Variants in ARHGEF1 observed in about 807,000 individuals in gnomAD.
The protein encoded by ARHGEF1 is 115 kDa guanine nucleotide exchange factor.
ARHGEF1 carries 40 observed loss-of-function variants against 119.7 expected under a neutral mutation model. That is an observed-to-expected ratio of 0.33 (90% CI 0.26 to 0.44). The LOEUF (loss-of-function observed/expected upper bound fraction) is 0.44. ARHGEF1 is among the 20% of genes least tolerant of loss of function. The probability of loss-of-function intolerance (pLI) is 1.00; values close to 1 mark genes in which losing one functional copy is unlikely to be tolerated. For synonymous variants in ARHGEF1, 494 were observed against 521.0 expected (o/e 0.95, Z 0.71); for missense variants, 976 against 1,268.3 (o/e 0.77, Z 3.50).
intron 13 of ARHGEF1, chr19:41,897,443 A>G (rs1160114722): frequency 1.5e-6 from 1 of 670,824 alleles, no homozygotes; most frequent in Non-Finnish European, 2.0e-6. Context: ...GTGGGTGGGG[A>G]CATCACCCTC....
At chr19:41,897,376 C>T in intron 13 of ARHGEF1, 1 of 1,188,566 alleles carries the variant, frequency 8.4e-7, no homozygotes, top group Non-Finnish European at 1.1e-6. Flanking sequence ...TCCCCCATTT[C>T]TCCCAGCCCC....
At position 41,904,493 on chromosome 19, in the gene ARHGEF1, CAA is replaced by C; in HGVS notation, c.2161+112_2161+113del. 2.3e-6 allele frequency: 3 copies of C among 1,326,620 alleles called. No individual in the cohort carries two copies. The highest frequency in any genetic ancestry group is 3.0e-6 in the Non-Finnish European group (3 of 995,534). 82.2% of individuals were successfully genotyped at this position (1,326,620 alleles called of 1,614,324 possible). A position where few individuals can be genotyped will look rare whatever the true frequency, so the allele number is the denominator to read the frequency against. ...GAGAGCCAGGGAGCCAGCATTCTAG[CAA>C]AGAGGTTGAGAAGTAGGTGGAGGTG... On this transcript the variant is annotated intron_variant, in intron 22 of 28. Transcript: ENST00000354532. This position sits in a 1 kb window ranked among gnomAD's most constrained non-coding sequence, Gnocchi z 8.4.
Position 41,888,866 on chromosome 19 carries a change from G to A in ARHGEF1, c.225+1G>A. ...CCTGCAGTTTGAGCCAGGACCCCTGGTGAGGGCAGGGCTGGGTGGGCACAG... is the reference window on the plus strand; with the variant it reads ...CCTGCAGTTTGAGCCAGGACCCCTGATGAGGGCAGGGCTGGGTGGGCACAG... On this transcript the variant is annotated splice_donor_variant, in intron 4 of 28. Coordinates refer to ENST00000354532, the MANE Select transcript of ARHGEF1 (RefSeq NM_004706.4). LOFTEE classifies it high-confidence loss of function. The surrounding 1 kb of genome is among the most constrained non-coding windows in gnomAD (Gnocchi z 5.1). 1 of 1,612,872 alleles carries A rather than the reference G, an allele frequency of 6.2e-7. No homozygotes were observed. The highest frequency in any genetic ancestry group is 8.5e-7 in the Non-Finnish European group (1 of 1,179,138).
At chr19:41,919,371 CAT>C (rs1199295514), upstream of ARHGEF1, among the ~76,000 whole-genome samples, 1 of 152,298 alleles carries the variant, frequency 6.6e-6, no homozygotes, top group South Asian at 2.1e-4. Context: ...ACCACACAAA[CAT>C]ACACAATCAA....
At chr19:41,927,243 G>A (rs1214666296) in intron 1 of ARHGEF1, among the ~76,000 whole-genome samples, 3 of 152,100 alleles carry the variant, frequency 2.0e-5, no homozygotes, top group Non-Finnish European at 4.4e-5. Context: ...GACAGTGGTG[G>A]AATGATAGAA....
rs367720737 is a variant in ARHGEF1 at position 41,888,801 on chromosome 19, G to A, written c.161G>A (p.Arg54Gln). The stretch of plus-strand genomic sequence containing the variant: ...TTCCAGAGCCTGGAGCAGGTGAAGC[G>A]GCGCCCAGCCCACCTCATGGCCCTC... The part of the protein sequence containing the change: ...SQFQSLEQVK[R>Q]RPAHLMALLQ... The change falls in exon 4 of 29, where the codon CGG becomes CAG. Residue 54 changes from arginine (R) to glutamine (Q), a missense_variant. Around this residue, in one of 3 missense-constraint regions of ARHGEF1, gnomAD observed 519 missense variants for 580.9 expected, o/e 0.89. Coordinates refer to ENST00000354532, the MANE Select transcript of ARHGEF1 (RefSeq NM_004706.4). This position sits in a 1 kb window ranked among gnomAD's most constrained non-coding sequence, Gnocchi z 5.1. 19 of 1,614,112 alleles carry A rather than the reference G, an allele frequency of 1.2e-5. No homozygotes were observed. In the African/African-American group the frequency reaches 2.0e-4, roughly 17 times the overall value.
At chr19:41,914,590 T>C (rs1555851591) in intron 18 of ARHGEF1, among the ~76,000 whole-genome samples, 10 of 60,668 alleles carry the variant, frequency 1.6e-4, no homozygotes, top group Admixed American at 5.5e-4. Flanking sequence ...TCCCTCCCTT[T>C]CCACCATCTC....
At chr19:41,921,939 C>G (rs1478944354), upstream of ARHGEF1, among the ~76,000 whole-genome samples, 2 of 151,444 alleles carry the variant, frequency 1.3e-5, no homozygotes, top group Non-Finnish European at 2.9e-5. This position sits in a 1 kb window ranked among gnomAD's most constrained non-coding sequence, Gnocchi z 4.4. Context: ...CATCCTCTAC[C>G]TCTCCTCCTG....
In ARHGEF1 at chr19:41,901,913, G is replaced by A. The variant is rs2074610591; in HGVS notation, c.1294G>A (p.Val432Met). The A allele has an allele frequency of 1.9e-6, 3 of 1,612,308 alleles. No individual in the cohort carries two copies. The highest frequency in any genetic ancestry group is 2.2e-5 in the South Asian group (2 of 91,062). ...SELLVTEAAH[V>M]RMLRVLHDLF... Reference sequence around the variant, plus strand: ...GCTGCTGGTGACAGAGGCGGCCCACGTGCGCATGCTGCGGGTGCTGCACGA... The same window carrying A: ...GCTGCTGGTGACAGAGGCGGCCCACATGCGCATGCTGCGGGTGCTGCACGA... The change falls in exon 15 of 29, where the codon GTG becomes ATG. Residue 432 changes from valine (V) to methionine (M), a missense_variant. By Grantham distance (21) the Val-to-Met change is conservative. Transcript: ENST00000354532.
rs782255847 is a variant in ARHGEF1, at chr19:41,892,010, G to A, written c.226-15G>A. The A allele has an allele frequency of 2.5e-6, 4 of 1,593,826 alleles. No homozygotes were observed. The African/African-American group carries it at 4.0e-5, about 16-fold the overall frequency. On this transcript the variant is annotated splice_polypyrimidine_tract_variant and intron_variant, in intron 4 of 28. Transcript: ENST00000354532. The surrounding 1 kb of genome is among the most constrained non-coding windows in gnomAD (Gnocchi z 6.3). The stretch of plus-strand genomic sequence containing the variant: ...GGGTGAGGGAGCGGAGAGTCATGCT[G>A]TGTGTCTCCCCCAGCTTTGCTGTCT...
rs1296654667 is a variant in ARHGEF1, at chr19:41,906,090, C to G, written c.2491+65C>G. On this transcript the variant is annotated intron_variant, in intron 26 of 28. Coordinates refer to ENST00000354532, the MANE Select transcript of ARHGEF1 (RefSeq NM_004706.4). The surrounding 1 kb of genome is among the most constrained non-coding windows in gnomAD (Gnocchi z 4.5). ...AACAGTGCCTCTGTTCCAACTAGAA[C>G]AAGGCTCTCCACGTCAAAAATTTCC... 14 of 1,450,650 alleles carry G rather than the reference C, an allele frequency of 9.7e-6. No homozygotes were observed. The highest frequency in any genetic ancestry group is 7.0e-5 in the Admixed American group (4 of 57,294). 89.9% of individuals were successfully genotyped at this position (1,450,650 alleles called of 1,614,324 possible).
chr19:41,927,503 T>C (rs1307885856), intron 1 of ARHGEF1, among the ~76,000 whole-genome samples: 1 of 151,864 alleles, frequency 6.6e-6, no homozygotes, highest in Non-Finnish European at 1.5e-5. Context: ...GTCCCAGATA[T>C]CCACACCCCC....
chr19:41,921,633 T>C (rs1475305676), upstream of ARHGEF1, among the ~76,000 whole-genome samples: 2 of 151,630 alleles, frequency 1.3e-5, no homozygotes, highest in Non-Finnish European at 2.9e-5. This position sits in a 1 kb window ranked among gnomAD's most constrained non-coding sequence, Gnocchi z 4.4. Context: ...CCGGAGACCC[T>C]GGGTTGGGAG....
At chr19:41,910,048 C>G (rs1458573601), downstream of ARHGEF1, 2 of 1,613,500 alleles carry the variant, frequency 1.2e-6, no homozygotes, top group South Asian at 2.2e-5. This position sits in a 1 kb window ranked among gnomAD's most constrained non-coding sequence, Gnocchi z 4.4. Flanking sequence ...GGATCTGCCT[C>G]GAGCCAGGGG....
At chr19:41,928,251 GAC>G (rs1239979121) in intron 1 of ARHGEF1, 4 of 152,292 alleles carry the variant, frequency 2.6e-5, no homozygotes, top group African/African-American at 9.7e-5. Flanking sequence ...GAGACGGAGA[GAC>G]AGCCAAGGAG....
chr19:41,916,021 C>A lies in ARHGEF1; in HGVS notation c.1866-7071C>A, dbSNP rs185277921. On this transcript the variant is annotated intron_variant, in intron 18 of 20. Coordinates refer to the ARHGEF1 transcript ENST00000599589. The surrounding 1 kb of genome is among the most constrained non-coding windows in gnomAD (Gnocchi z 5.4). ...ATTTTATTTTGCTTCCTCCACCCCCCCTTCGCCCCCCATCTCTACCGCCCG... is the reference window on the plus strand; with the variant it reads ...ATTTTATTTTGCTTCCTCCACCCCCACTTCGCCCCCCATCTCTACCGCCCG... Among the ~76,000 whole-genome samples, 522 of 152,156 alleles carry A rather than the reference C, an allele frequency of 3.4e-3. 4 individuals carry two copies. Among genetic ancestry groups the A allele is most frequent in the African/African-American group, 9.5e-3 (395 of 41,476 alleles).
At chr19:41,920,711 GCGCA>G (rs1409481299), upstream of ARHGEF1, among the ~76,000 whole-genome samples, 2 of 152,356 alleles carry the variant, frequency 1.3e-5, no homozygotes, top group Admixed American at 6.5e-5. Flanking sequence ...ATGTGCACAT[GCGCA>G]CACACACACT....
At chr19:41,909,321 G>A, downstream of ARHGEF1, 2 of 1,235,184 alleles carry the variant, frequency 1.6e-6, no homozygotes, top group African/African-American at 3.1e-5. The surrounding 1 kb of genome is among the most constrained non-coding windows in gnomAD (Gnocchi z 5.2). Context: ...CCCCCCCAAA[G>A]GGACTGGGGG....
Position 41,902,197 on chromosome 19 carries a change from C to T in ARHGEF1, c.1415-77C>T. 6.3e-7 allele frequency: 1 copy of T among 1,581,902 alleles called. No individual in the cohort carries two copies. Among genetic ancestry groups the T allele is most frequent in the Non-Finnish European group, 8.7e-7 (1 of 1,154,364 alleles). On this transcript the variant is annotated intron_variant, in intron 15 of 28. Coordinates refer to ENST00000354532, the MANE Select transcript of ARHGEF1 (RefSeq NM_004706.4). The surrounding 1 kb of genome is among the most constrained non-coding windows in gnomAD (Gnocchi z 6.5). ...GACACAGACACACCTGCAGCCCTAC[C>T]CCCACCACACCGCAGCAGGCCCCGC...
Sources: gnomAD v4.1 joint callset for allele counts (sites outside exome capture counted in the v4.1 genomes callset) on GRCh38, gnomAD v4.1.1 for gene constraint, gnomAD v4.1.1 regional missense constraint, Gnocchi (gnomAD v3.1) non-coding constraint, MANE v1.5 for transcripts, NCBI Gene and HGNC (gene_info 2026-07-23, HGNC 2026-07-21) for gene names.